ANKRD62: variants seen among roughly 807,000 people sequenced by gnomAD.
ANKRD62 encodes the protein ankyrin repeat domain-containing protein 62.
ANKRD62 carries 61 observed loss-of-function variants against 98.8 expected under a neutral mutation model. The ratio of observed to expected loss-of-function variants is 0.62; its 90% CI spans 0.50 to 0.76. The LOEUF is 0.76. Among genes scored for constraint, ANKRD62 ranks in the 30% least tolerant of loss-of-function variants. The probability of loss-of-function intolerance (pLI) is 0.00; values close to 1 mark genes in which losing one functional copy is unlikely to be tolerated. For synonymous variants in ANKRD62, 341 were observed against 367.9 expected, an observed-to-expected ratio of 0.93 and a Z score of 0.84; for missense variants, 933 against 1,082.9, an observed-to-expected ratio of 0.86 and a Z score of 1.94.
chr18:12,120,399 A>G (rs1909759637), intron 10 of ANKRD62, among the ~76,000 whole-genome samples: 1 of 152,112 alleles, frequency 6.6e-6, no homozygotes, highest in African/African-American at 2.4e-5. Flanking sequence ...GACCTTATTT[A>G]TTGCTGGAAA....
the ANKRD62 span, among the ~76,000 whole-genome samples, chr18:12,157,713 A>C: frequency 6.6e-6 from 1 of 152,078 alleles, no homozygotes; most frequent in African/African-American, 2.4e-5. Flanking sequence ...CTGGGTGGTC[A>C]TTGGCTGTCT....
At chr18:12,094,470 TG>T (rs1196829836) in intron 1 of ANKRD62, among the ~76,000 whole-genome samples, 5 of 738 alleles carry the variant, frequency 6.8e-3, no homozygotes, top group Non-Finnish European at 7.3e-3. Context: ...TGGAGTTGGG[TG>T]GGGGTTGGAA....
intron 11 of ANKRD62, among the ~76,000 whole-genome samples, chr18:12,123,146 C>T (rs1480414917): frequency 6.6e-6 from 1 of 152,024 alleles, no homozygotes; most frequent in Non-Finnish European, 1.5e-5. Context: ...CTTCCGGGTT[C>T]AAGCAATTCT....
chr18:12,117,655 C>CT (rs1568063703), intron 10 of ANKRD62, among the ~76,000 whole-genome samples: 1 of 152,148 alleles, frequency 6.6e-6, no homozygotes, highest in Non-Finnish European at 1.5e-5. Context: ...TTTGCTGAGA[C>CT]TTTTTCATTT....
chr18:12,162,953 C>G, the ANKRD62 span, among the ~76,000 whole-genome samples: 2 of 152,052 alleles, frequency 1.3e-5, no homozygotes, highest in African/African-American at 4.8e-5. Context: ...AAATGTGATT[C>G]TTCCAGTTTT....
Position 12,115,245 on chromosome 18 carries a change from A to T in ANKRD62, c.1098+124A>T, listed in dbSNP as rs182058566. The T allele has an allele frequency of 1.6e-5, 20 of 1,283,932 alleles. No homozygotes were observed. The East Asian group carries it at 2.6e-4, about 17-fold the overall frequency. 79.5% of individuals were successfully genotyped at this position (1,283,932 alleles called of 1,614,324 possible). A position where few individuals can be genotyped will look rare whatever the true frequency, so the allele number is the denominator to read the frequency against. On this transcript the variant is annotated intron_variant, in intron 9 of 13. Transcript: ENST00000587848. The stretch of plus-strand genomic sequence containing the variant: ...GATAAAGCAGCGGTAACCATTCATA[A>T]AAGCACCCTTTTAACCAAAGTCAGT...
At chr18:12,134,134 T>C (rs967046924), downstream of ANKRD62, among the ~76,000 whole-genome samples, 1 of 152,220 alleles carries the variant, frequency 6.6e-6, no homozygotes, top group African/African-American at 2.4e-5. Flanking sequence ...AGCATGTATG[T>C]CACTGCTTTC....
At chr18:12,178,590 A>G in the ANKRD62 span, among the ~76,000 whole-genome samples, 1 of 148,496 alleles carries the variant, frequency 6.7e-6, no homozygotes, top group Non-Finnish European at 1.5e-5. Context: ...ATATGTAAGT[A>G]AATATAATCG....
intron 6 of ANKRD62, among the ~76,000 whole-genome samples, chr18:12,100,751 G>A (rs971780665): frequency 3.3e-5 from 5 of 152,142 alleles, no homozygotes; most frequent in African/African-American, 1.2e-4. Context: ...CCCCCCAAGT[G>A]GAAATAAAAT....
rs1909799564 is a variant in ANKRD62, at chr18:12,122,377, T to C, written c.1315T>C (p.Cys439Arg). 6.5e-7 allele frequency: 1 copy of C among 1,535,714 alleles called. No individual in the cohort carries two copies. Among genetic ancestry groups the C allele is most frequent in the African/African-American group, 1.4e-5 (1 of 73,158 alleles). The change falls in exon 11 of 14, where the codon TGT becomes CGT. Residue 439 changes from cysteine to arginine, a missense_variant. Transcript: ENST00000587848. ...GRSIEDQKCY[C>R]ERLKVKFQKM... is the part of the protein sequence containing the mutation. ...ATCAATAGAGGATCAAAAATGTTAC[T>C]GTGAACGACTTAAAGTAAAATTTCA...
At chr18:12,174,324 T>G in the ANKRD62 span, among the ~76,000 whole-genome samples, 1,771 of 152,380 alleles carry the variant, frequency 0.012, 17 homozygotes, top group African/African-American at 0.019. Context: ...TGAAATTCTT[T>G]TAATGTGCCT....
chr18:12,152,382 C>G, the ANKRD62 span, among the ~76,000 whole-genome samples: 6 of 152,276 alleles, frequency 3.9e-5, no homozygotes, highest in African/African-American at 1.4e-4. Context: ...AAAAGCTAAT[C>G]CACCACGATC....
the ANKRD62 span, among the ~76,000 whole-genome samples, chr18:12,135,060 A>G: frequency 2.0e-5 from 3 of 147,494 alleles, no homozygotes; most frequent in African/African-American, 7.8e-5. Flanking sequence ...TTTTTTTTAT[A>G]CTTTAAGTTT....
At chr18:12,109,508 T>C (rs1909489155) in intron 8 of ANKRD62, among the ~76,000 whole-genome samples, 6 of 152,224 alleles carry the variant, frequency 3.9e-5, no homozygotes, top group Admixed American at 3.9e-4. Flanking sequence ...TTGTAGTGTT[T>C]ACTGAGTTAG....
At chr18:12,169,780 G>C in the ANKRD62 span, among the ~76,000 whole-genome samples, 1 of 152,228 alleles carries the variant, frequency 6.6e-6, no homozygotes, top group African/African-American at 2.4e-5. Flanking sequence ...TTTTTGGTTG[G>C]TAGGCTATTA....
chr18:12,112,231 T>C (rs1019261802), intron 8 of ANKRD62, among the ~76,000 whole-genome samples: 7 of 151,710 alleles, frequency 4.6e-5, no homozygotes, highest in Admixed American at 2.0e-4. Context: ...TTAAAATTCA[T>C]AGGGAACCAG....
At chr18:12,137,054 G>A in the ANKRD62 span, among the ~76,000 whole-genome samples, 1 of 152,108 alleles carries the variant, frequency 6.6e-6, no homozygotes, top group South Asian at 2.1e-4. Context: ...TCTCCTGCCT[G>A]ATTGCCCTGG....
chr18:12,157,612 G>A, the ANKRD62 span, among the ~76,000 whole-genome samples: 4 of 152,178 alleles, frequency 2.6e-5, no homozygotes, highest in Admixed American at 6.5e-5. Flanking sequence ...TTTCTCCTAG[G>A]GCTAGTGTGT....
intron 1 of ANKRD62, among the ~76,000 whole-genome samples, chr18:12,094,851 G>A (rs1909144819): frequency 7.9e-6 from 1 of 127,000 alleles, no homozygotes; most frequent in Admixed American, 7.9e-5. Context: ...GGGGAGTCGA[G>A]TGGAGTGAGG....
Sources: allele counts gnomAD v4.1 joint callset (sites outside exome capture counted in the v4.1 genomes callset), GRCh38; gene constraint gnomAD v4.1.1; transcripts MANE v1.5; gene names NCBI Gene and HGNC (gene_info 2026-07-23, HGNC 2026-07-21).